EPHA4: variants seen among roughly 807,000 people sequenced by gnomAD.
EPHA4 encodes ephrin type-A receptor 4.
Under a neutral mutation model 108.3 loss-of-function variants are expected in EPHA4, and 19 were observed. The observed-to-expected ratio is 0.18, with a 90% CI of 0.12 to 0.26. The LOEUF (loss-of-function observed/expected upper bound fraction) is 0.26. Among genes scored for constraint, EPHA4 ranks in the 10% least tolerant of loss-of-function variants. The pLI is 1.00. For synonymous variants in EPHA4, 449 were observed against 455.5 expected, an observed-to-expected ratio of 0.99 and a Z score of 0.18; for missense variants, 917 against 1,254.0, an observed-to-expected ratio of 0.73 and a Z score of 4.06.
intron 6 of EPHA4, among the ~76,000 whole-genome samples, chr2:221,457,161 A>T (rs1443677860): frequency 6.6e-6 from 1 of 152,206 alleles, no homozygotes; most frequent in Non-Finnish European, 1.5e-5. Flanking sequence ...GTGTTGTAAC[A>T]TGGTTTCAAT....
At chr2:221,569,218 G>T (rs1030462461) in intron 1 of EPHA4, among the ~76,000 whole-genome samples, 1 of 152,192 alleles carries the variant, frequency 6.6e-6, no homozygotes, top group African/African-American at 2.4e-5. Context: ...AGCCACAAGT[G>T]AATTCTCTCT....
chr2:221,433,766 C>A (rs1379657381), intron 14 of EPHA4, among the ~76,000 whole-genome samples: 4 of 152,250 alleles, frequency 2.6e-5, no homozygotes, highest in Admixed American at 6.5e-5. Flanking sequence ...TTTCAATAAG[C>A]CTTTCATGTC....
At chr2:221,464,144 C>T (rs1387713006) in intron 5 of EPHA4, among the ~76,000 whole-genome samples, 1 of 152,150 alleles carries the variant, frequency 6.6e-6, no homozygotes, top group Non-Finnish European at 1.5e-5. Context: ...TTAACCACAG[C>T]AGGGTTACCT....
chr2:221,419,056 TTCC>T lies in EPHA4; in HGVS notation c.*2313_*2315del. 1 of 152,782 alleles carries T rather than the reference TTCC, an allele frequency of 6.5e-6. No homozygotes were observed. Among genetic ancestry groups the T allele is most frequent in the East Asian group, 1.9e-4 (1 of 5,186 alleles). 9.5% of individuals were successfully genotyped at this position (152,782 alleles called of 1,614,324 possible). On this transcript the variant is annotated 3_prime_UTR_variant, in exon 18 of 18. Transcript: ENST00000281821. ...ATAAATGGTTCAGAATCTATTTTTT[TTCC>T]TCATTTTTCCCTGATTTGATGTTAT...
At chr2:221,564,988 C>T (rs1187736509) in intron 2 of EPHA4, among the ~76,000 whole-genome samples, 1 of 151,002 alleles carries the variant, frequency 6.6e-6, no homozygotes, top group Non-Finnish European at 1.5e-5. Context: ...TTCAGTAATC[C>T]TAGGAAGACA....
intron 7 of EPHA4, 59 bp downstream of exon 7, chr2:221,456,554 A>G (rs1690958157): frequency 9.0e-6 from 14 of 1,557,150 alleles, no homozygotes; most frequent in Non-Finnish European, 1.2e-5. Context: ...CTGTAATGGG[A>G]TTCAGCTGTA....
chr2:221,572,338 A>C (rs1383211003), upstream of EPHA4: 18 of 1,214,146 alleles, frequency 1.5e-5, no homozygotes, highest in Non-Finnish European at 2.0e-5. Context: ...AGACATTGCC[A>C]AGGGGGCGGG....
Position 221,563,932 on chromosome 2 carries a change from C to A in EPHA4, c.622G>T (p.Val208Phe), listed in dbSNP as rs753061954. The A allele has an allele frequency of 6.2e-7, 1 of 1,614,196 alleles. No individual in the cohort carries two copies. Among genetic ancestry groups the A allele is most frequent in the South Asian group, 1.1e-5 (1 of 91,084 alleles). The part of the protein sequence containing the change: ...RVFYKKCPLT[V>F]RNLAQFPDTI... ...TCAGGAAACTGGGCCAGATTGCGGACTGTGAGTGGACACTTTTTATAGAAC... is the reference window on the plus strand; with the variant it reads ...TCAGGAAACTGGGCCAGATTGCGGAATGTGAGTGGACACTTTTTATAGAAC... Residue 208 changes from valine to phenylalanine, a missense_variant, in exon 3 of 18, where the codon GTC becomes TTC. Val to Phe is a conservative substitution (Grantham distance 50). Coordinates refer to ENST00000281821, the MANE Select transcript of EPHA4 (RefSeq NM_004438.5).
chr2:221,538,740 A>C (rs1363222448), intron 3 of EPHA4, among the ~76,000 whole-genome samples: 2 of 152,224 alleles, frequency 1.3e-5, no homozygotes, highest in Admixed American at 6.5e-5. Flanking sequence ...TGTGACAAAT[A>C]CTGCTTTCTC....
intron 5 of EPHA4, among the ~76,000 whole-genome samples, chr2:221,462,168 G>C (rs1385588142): frequency 6.6e-6 from 1 of 151,872 alleles, no homozygotes; most frequent in Non-Finnish European, 1.5e-5. Flanking sequence ...ATAGCAATGA[G>C]AGCTGGTCAT....
intron 4 of EPHA4, among the ~76,000 whole-genome samples, chr2:221,485,749 AG>A (rs1168607514): frequency 6.6e-6 from 1 of 152,076 alleles, no homozygotes. Context: ...ATTTAAAGGG[AG>A]GGCCCATCTC....
At chr2:221,529,519 C>A (rs538882658) in intron 3 of EPHA4, among the ~76,000 whole-genome samples, 3 of 152,276 alleles carry the variant, frequency 2.0e-5, no homozygotes, top group African/African-American at 7.2e-5. Flanking sequence ...TGCATCCAGG[C>A]AGAGAGGGAG....
At chr2:221,494,032 A>T (rs1469775210) in intron 4 of EPHA4, among the ~76,000 whole-genome samples, 1 of 152,186 alleles carries the variant, frequency 6.6e-6, no homozygotes, top group Non-Finnish European at 1.5e-5. Flanking sequence ...AGGCCCTTCA[A>T]GTTGGCAATC....
In EPHA4 at chr2:221,566,969, G is replaced by GGAAGAA. The variant is rs71050343; in HGVS notation, c.159+1743_159+1748dup. Among the ~76,000 whole-genome samples the GGAAGAA allele has an allele frequency of 2.3e-3, 63 of 27,646 alleles. 22 individuals carry two copies. The highest frequency in any genetic ancestry group is 5.1e-3 in the South Asian group (4 of 782). The allele number at this position is 27,646 out of a possible 152,430, so 18.1% of individuals were successfully genotyped here. A position where few individuals can be genotyped will look rare whatever the true frequency, so the allele number is the denominator to read the frequency against. On this transcript the variant is annotated intron_variant, in intron 2 of 17. Transcript: ENST00000281821. ...GAGAAGGAGAAGGGGAAGAGGAAGA[G>GGAAGAA]GAAGAAGAAGAAGAAGAAGAAGAAG...
rs867854060 is a variant in EPHA4, at chr2:221,457,212, A to G, written c.1444-440T>C. On this transcript the variant is annotated intron_variant, in intron 6 of 17. Transcript: ENST00000281821. ...CTTTTCTACTTTTAATAAGGAAGCCAATAAGTGATTATCTTTAAAAAGAAA... is the reference window on the plus strand; with the variant it reads ...CTTTTCTACTTTTAATAAGGAAGCCGATAAGTGATTATCTTTAAAAAGAAA... 2.0e-5 allele frequency among the ~76,000 whole-genome samples: 3 copies of G among 152,200 alleles called. No homozygotes were observed. The South Asian group carries it at 6.2e-4, about 31-fold the overall frequency.
At chr2:221,540,033 CCA>C (rs892380160) in intron 3 of EPHA4, among the ~76,000 whole-genome samples, 2 of 152,156 alleles carry the variant, frequency 1.3e-5, no homozygotes, top group African/African-American at 4.8e-5. Context: ...AATCCTCTCA[CCA>C]CAGACTCCTG....
intron 3 of EPHA4, among the ~76,000 whole-genome samples, chr2:221,509,809 G>C (rs962395311): frequency 1.3e-5 from 2 of 152,170 alleles, no homozygotes; most frequent in Non-Finnish European, 2.9e-5. Context: ...CATATTCACT[G>C]TCTGGTGGTC....
Position 221,426,521 on chromosome 2 carries a change from T to TA in EPHA4, c.2788_2789insT (p.Asp930ValfsTer2). ...GGTATAACCAGCAGCTGTGAAGTTATCCTTATACCGGTCCATTTTAATGGC... is the reference window on the plus strand; with the variant it reads ...GGTATAACCAGCAGCTGTGAAGTTATACCTTATACCGGTCCATTTTAATGGC... On this transcript the variant is annotated frameshift_variant, in exon 16 of 18. Transcript: ENST00000281821. LOFTEE classifies it high-confidence loss of function. 2 of 1,614,102 alleles carry TA rather than the reference T, an allele frequency of 1.2e-6. No homozygotes were observed. The highest frequency in any genetic ancestry group is 1.7e-6 in the Non-Finnish European group (2 of 1,180,010).
Position 221,558,235 on chromosome 2 carries a change from G to A in EPHA4, c.823+5496C>T, listed in dbSNP as rs567886716. On this transcript the variant is annotated intron_variant, in intron 3 of 17. Coordinates refer to ENST00000281821, the MANE Select transcript of EPHA4 (RefSeq NM_004438.5). Reference sequence around the variant, plus strand: ...ATATTTGAGTTGCCTGCCAAATTGTGAAAAATGGTAACTTGTAAAATGTTG... The same window carrying A: ...ATATTTGAGTTGCCTGCCAAATTGTAAAAAATGGTAACTTGTAAAATGTTG... Among the ~76,000 whole-genome samples the A allele has an allele frequency of 2.0e-5, 3 of 152,236 alleles. No individual in the cohort carries two copies. In the East Asian group the frequency reaches 5.8e-4, roughly 29 times the overall value.
Sources: allele counts gnomAD v4.1 joint callset (sites outside exome capture counted in the v4.1 genomes callset), GRCh38; gene constraint gnomAD v4.1.1; transcripts MANE v1.5; gene names NCBI Gene and HGNC (gene_info 2026-07-23, HGNC 2026-07-21).